ROBO1: variants seen among roughly 807,000 people sequenced by gnomAD.
The protein encoded by ROBO1 is roundabout homolog 1.
A neutral mutation model predicts 195.9 loss-of-function variants in ROBO1; 149 were observed. That is an observed-to-expected ratio of 0.76 (90% CI 0.67 to 0.87). ROBO1 has a LOEUF of 0.87. Among genes scored for constraint, ROBO1 ranks in the 40% least tolerant of loss-of-function variants. ROBO1 has a pLI of 0.00. For synonymous variants in ROBO1, 816 were observed against 733.2 expected, an observed-to-expected ratio of 1.11 and a Z score of -1.82; for missense variants, 1,933 against 2,068.3, an observed-to-expected ratio of 0.93 and a Z score of 1.27.
At chr3:79,626,902 A>G (rs1236374910) in intron 1 of ROBO1, among the ~76,000 whole-genome samples, 1 of 152,166 alleles carries the variant, frequency 6.6e-6, no homozygotes, top group East Asian at 1.9e-4. Context: ...CCGATTCACA[A>G]TTGCCAAAAA....
At chr3:79,122,945 AT>A (rs989414332) in intron 3 of ROBO1, among the ~76,000 whole-genome samples, 13 of 151,992 alleles carry the variant, frequency 8.6e-5, no homozygotes, top group African/African-American at 3.1e-4. Flanking sequence ...TAGTAAAAAA[AT>A]AAACATCTGA....
chr3:79,457,126 A>G (rs1575850396), intron 2 of ROBO1, among the ~76,000 whole-genome samples: 1 of 152,182 alleles, frequency 6.6e-6, no homozygotes. Flanking sequence ...AATCAGTAGG[A>G]AGCAGTTGAT....
intron 22 of ROBO1, among the ~76,000 whole-genome samples, chr3:78,636,450 T>C (rs780166646): frequency 3.9e-5 from 6 of 152,124 alleles, no homozygotes; most frequent in Non-Finnish European, 8.8e-5. Context: ...TCTTTATGTG[T>C]CAACTTTTTA....
At chr3:78,618,567 A>G (rs926168023) in intron 26 of ROBO1, among the ~76,000 whole-genome samples, 2 of 152,122 alleles carry the variant, frequency 1.3e-5, no homozygotes, top group African/African-American at 4.8e-5. Flanking sequence ...AAAAAAGCAC[A>G]CATTCAGCAT....
chr3:79,135,640 C>CT (rs200088816), intron 2 of ROBO1, among the ~76,000 whole-genome samples: 1,457 of 143,550 alleles, frequency 0.01, 17 homozygotes, highest in East Asian at 0.042. Flanking sequence ...ATTCAATCTT[C>CT]TTTTTTTTTT....
intron 2 of ROBO1, among the ~76,000 whole-genome samples, chr3:79,289,099 T>G (rs1464971628): frequency 1.3e-5 from 2 of 152,036 alleles, no homozygotes; most frequent in Non-Finnish European, 2.9e-5. Flanking sequence ...ATCATTTTTT[T>G]TTTTTAGATA....
intron 1 of ROBO1, among the ~76,000 whole-genome samples, chr3:79,752,441 AT>A (rs1704169626): frequency 6.6e-6 from 1 of 152,148 alleles, no homozygotes; most frequent in Non-Finnish European, 1.5e-5. Context: ...AATAAGTATG[AT>A]GAGACATTTT....
At chr3:79,202,451 G>A (rs2108781655) in intron 2 of ROBO1, among the ~76,000 whole-genome samples, 1 of 151,986 alleles carries the variant, frequency 6.6e-6, no homozygotes, top group Non-Finnish European at 1.5e-5. Flanking sequence ...TTCACTCTTT[G>A]ATTTTTATAT....
chr3:79,490,208 T>C (rs1939380513), intron 2 of ROBO1, among the ~76,000 whole-genome samples: 1 of 152,184 alleles, frequency 6.6e-6, no homozygotes, highest in African/African-American at 2.4e-5. Context: ...TTGTGTATGG[T>C]ATATGTGGCT....
chr3:78,611,053 T>A (rs1703778091), intron 28 of ROBO1, among the ~76,000 whole-genome samples: 1 of 152,126 alleles, frequency 6.6e-6, no homozygotes, highest in East Asian at 1.9e-4. Flanking sequence ...GTGTGTAGAC[T>A]TCATGTAATC....
At chr3:78,929,996 C>T (rs2039424057) in intron 4 of ROBO1, among the ~76,000 whole-genome samples, 1 of 152,074 alleles carries the variant, frequency 6.6e-6, no homozygotes, top group Non-Finnish European at 1.5e-5. Flanking sequence ...GCTAAATTCC[C>T]CAAGTAATGT....
intron 4 of ROBO1, among the ~76,000 whole-genome samples, chr3:78,923,143 C>G (rs373123892): frequency 6.6e-6 from 1 of 152,154 alleles, no homozygotes; most frequent in Non-Finnish European, 1.5e-5. Context: ...TCCAGAGATA[C>G]TATCAGGTCC....
chr3:79,210,690 C>A (rs1352063729), intron 2 of ROBO1, among the ~76,000 whole-genome samples: 1 of 152,022 alleles, frequency 6.6e-6, no homozygotes, highest in Non-Finnish European at 1.5e-5. Context: ...TTGGTGTGAA[C>A]TAGTAAGCTA....
At chr3:79,546,243 A>T (rs974213039) in intron 2 of ROBO1, among the ~76,000 whole-genome samples, 5 of 152,056 alleles carry the variant, frequency 3.3e-5, no homozygotes, top group African/African-American at 1.2e-4. Context: ...TACATATAAT[A>T]TACAAAATAT....
At chr3:79,455,673 C>T (rs2039596378) in intron 2 of ROBO1, among the ~76,000 whole-genome samples, 1 of 152,086 alleles carries the variant, frequency 6.6e-6, no homozygotes. Context: ...CCTCCAAAGT[C>T]TGTGCCTAGA....
At chr3:79,123,059 A>G (rs2080149686) in intron 3 of ROBO1, among the ~76,000 whole-genome samples, 2 of 152,062 alleles carry the variant, frequency 1.3e-5, no homozygotes, top group South Asian at 4.1e-4. Context: ...TAACTAACTC[A>G]TATCAATGAC....
At chr3:78,711,371 CTTCCTTCCTTCCT>C (rs2081712341) in intron 8 of ROBO1, among the ~76,000 whole-genome samples, 1 of 26,042 alleles carries the variant, frequency 3.8e-5, no homozygotes, top group African/African-American at 1.7e-4. Context: ...TCCTTCCTTC[CTTCCTTCCTTCCT>C]TCCTTCCTTC....
At position 78,928,475 on chromosome 3, in the gene ROBO1, A is replaced by G. The variant is rs1171614052; in HGVS notation, c.499+10126T>C. 2.6e-5 allele frequency among the ~76,000 whole-genome samples: 4 copies of G among 152,180 alleles called. No individual in the cohort carries two copies. In the East Asian group the frequency reaches 7.7e-4, roughly 29 times the overall value. ...GAAGAAAAGAAAAAGAAAAATGTTAAGAAATTGACCTTATTGTCTACCAAT... is the reference window on the plus strand; with the variant it reads ...GAAGAAAAGAAAAAGAAAAATGTTAGGAAATTGACCTTATTGTCTACCAAT... On this transcript the variant is annotated intron_variant, in intron 4 of 30. Coordinates refer to ENST00000464233, the MANE Select transcript of ROBO1 (RefSeq NM_002941.4).
chr3:79,157,452 G>A (rs1398338058), intron 2 of ROBO1, among the ~76,000 whole-genome samples: 2 of 151,850 alleles, frequency 1.3e-5, no homozygotes, highest in African/African-American at 2.4e-5. Flanking sequence ...CCAGAGAGCT[G>A]TCTAAGGATG....
Sources: gnomAD v4.1 joint callset for allele counts (sites outside exome capture counted in the v4.1 genomes callset) on GRCh38, gnomAD v4.1.1 for gene constraint, MANE v1.5 for transcripts, NCBI Gene and HGNC (gene_info 2026-07-23, HGNC 2026-07-21) for gene names.